TRRAP: variants seen among roughly 807,000 people sequenced by gnomAD.
The protein encoded by TRRAP is transformation/transcription domain-associated protein.
In TRRAP, 41 loss-of-function variants were observed where a neutral mutation model predicts 438.8. The observed-to-expected ratio is 0.09, with a 90% CI of 0.07 to 0.12. The LOEUF (loss-of-function observed/expected upper bound fraction) is 0.12, where lower values mean the gene tolerates loss of function less well. Among genes scored for constraint, TRRAP ranks in the 10% least tolerant of loss-of-function variants. TRRAP has a pLI of 1.00. For synonymous variants in TRRAP, 1,994 were observed against 1,962.9 expected (o/e 1.02, Z -0.42); for missense variants, 3,122 against 5,055.1 (o/e 0.62, Z 11.60).
intron 26 of TRRAP, 47 bp downstream of exon 26, chr7:98,931,712 G>C: frequency 6.3e-7 from 1 of 1,585,886 alleles, no homozygotes. Flanking sequence ...CAAAACTTTT[G>C]AGCCTTTTTT....
chr7:99,010,982 T>C (rs182015777), intron 70 of TRRAP, 70 bp from the exon 71 acceptor site: 2 of 1,472,668 alleles, frequency 1.4e-6, no homozygotes, highest in African/African-American at 2.8e-5. Flanking sequence ...GGAATTGCAA[T>C]TTGAGAATTT....
intron 7 of TRRAP, among the ~76,000 whole-genome samples, chr7:98,896,717 T>TA (rs1796224363): frequency 6.6e-6 from 1 of 152,216 alleles, no homozygotes; most frequent in Non-Finnish European, 1.5e-5. Flanking sequence ...AAAAAGTTTT[T>TA]AAATTGATAT....
At position 98,964,699 on chromosome 7, in the gene TRRAP, T is replaced by C; in HGVS notation, c.6900T>C (p.Phe2300=). The C allele has an allele frequency of 1.2e-6, 2 of 1,614,096 alleles. No homozygotes were observed. The highest frequency in any genetic ancestry group is 1.3e-5 in the African/African-American group (1 of 75,036). The stretch of plus-strand genomic sequence containing the variant: ...ACATAGACAGGCTGATCTCCGTCTT[T>C]ATGCGCTCCCTGCAGAAGATGGTCC... ...PSYIDRLISV[F]MRSLQKMVRE... is the part of the protein sequence containing the mutation. Residue 2300 remains phenylalanine, a synonymous_variant, in exon 48 of 73, where the codon TTT becomes TTC. Coordinates refer to ENST00000456197, the MANE Select transcript of TRRAP (RefSeq NM_001375524.1).
chr7:98,899,161 C>T (rs1295101672), intron 8 of TRRAP, among the ~76,000 whole-genome samples: 1 of 152,138 alleles, frequency 6.6e-6, no homozygotes, highest in Non-Finnish European at 1.5e-5. Flanking sequence ...TGCATTCCAG[C>T]CTGGTGACAA....
intron 30 of TRRAP, among the ~76,000 whole-genome samples, chr7:98,940,215 G>A (rs1790736771): frequency 6.6e-6 from 1 of 151,708 alleles, no homozygotes; most frequent in Admixed American, 6.6e-5. Context: ...ATGAGACAGA[G>A]TCTCACTCTG....
chr7:98,999,367 G>T (rs1231784526), intron 67 of TRRAP: 1 of 1,394,746 alleles, frequency 7.2e-7, no homozygotes, highest in Non-Finnish European at 1.0e-6. Context: ...TCCACATCCT[G>T]CACAGCTCTC....
intron 67 of TRRAP, among the ~76,000 whole-genome samples, chr7:98,996,927 A>C (rs914592407): frequency 6.6e-6 from 1 of 152,190 alleles, no homozygotes; most frequent in African/African-American, 2.4e-5. Context: ...GACAATCCAG[A>C]AACATAGTCT....
chr7:99,000,703 G>A (rs1264621097), intron 67 of TRRAP, among the ~76,000 whole-genome samples: 1 of 152,240 alleles, frequency 6.6e-6, no homozygotes, highest in African/African-American at 2.4e-5. Context: ...GCGCTGTGTG[G>A]GCCTGTGAGC....
chr7:98,961,737 T>G (rs1791902382), intron 46 of TRRAP, among the ~76,000 whole-genome samples: 1 of 152,154 alleles, frequency 6.6e-6, no homozygotes. Flanking sequence ...CTGACCAACG[T>G]GGAGAAACCC....
At chr7:98,945,666 C>T in intron 31 of TRRAP, 81 bp from the exon 32 acceptor site, 1 of 1,527,052 alleles carries the variant, frequency 6.5e-7, no homozygotes, top group East Asian at 2.3e-5. Flanking sequence ...CCCCAATAAC[C>T]CTTACTGTGT....
Position 98,897,771 on chromosome 7 carries a change from C to A in TRRAP, c.538C>A (p.Pro180Thr), listed in dbSNP as rs782570914. ...CTACTTTGAGAACCCTCAAGTGATCCCCGAGAACACAGTGCCTCCCCCAGA... is the reference window on the plus strand; with the variant it reads ...CTACTTTGAGAACCCTCAAGTGATCACCGAGAACACAGTGCCTCCCCCAGA... ...NRYFENPQVIPENTVPPPEMV... is the reference protein window; with the variant it reads ...NRYFENPQVITENTVPPPEMV... The change falls in exon 8 of 73, where the codon CCC (proline) becomes ACC (threonine). Residue 180 changes from proline to threonine, a missense_variant. By Grantham distance (38) the Pro-to-Thr change is conservative (BLOSUM62 -1). Transcript: ENST00000456197. 2 of 1,613,278 alleles carry A rather than the reference C, an allele frequency of 1.2e-6. No individual in the cohort carries two copies.
At chr7:98,906,113 A>G (rs1426546098) in intron 12 of TRRAP, 64 bp from the exon 13 acceptor site, 4 of 1,477,070 alleles carry the variant, frequency 2.7e-6, no homozygotes, top group East Asian at 2.3e-5. Context: ...AAAGCACTGT[A>G]AAGTAATTTA....
At chr7:98,937,923 C>T in intron 30 of TRRAP, 103 bp downstream of exon 30, 1 of 1,318,128 alleles carries the variant, frequency 7.6e-7, no homozygotes, top group East Asian at 2.8e-5. Flanking sequence ...GCCTGTAATC[C>T]CAGCACTTTG....
chr7:98,974,539 G>T (rs931648121), intron 53 of TRRAP, among the ~76,000 whole-genome samples: 2 of 152,158 alleles, frequency 1.3e-5, no homozygotes, highest in African/African-American at 4.8e-5. Context: ...ACCTCTTTGG[G>T]ACAGTGTGTA....
Position 99,012,510 on chromosome 7 carries a change from G to A in TRRAP, c.*155G>A. ...TTCCTGGTAGTTTGCGTGTAAGAAA[G>A]GGAGAATATAGTTTTAGAGGAAGCT... On this transcript the variant is annotated 3_prime_UTR_variant, in exon 73 of 73. Coordinates refer to ENST00000456197, the MANE Select transcript of TRRAP (RefSeq NM_001375524.1). This position sits in a 1 kb window ranked among gnomAD's most constrained non-coding sequence, Gnocchi z 5.9. 1 of 936,898 alleles carries A rather than the reference G, an allele frequency of 1.1e-6. No individual in the cohort carries two copies. The allele number at this position is 936,898 out of a possible 1,614,324, so 58.0% of individuals were successfully genotyped here. A position where few individuals can be genotyped will look rare whatever the true frequency, so the allele number is the denominator to read the frequency against.
At position 98,915,261 on chromosome 7, in the gene TRRAP, C is replaced by G. The variant is rs189695486; in HGVS notation, c.2200-462C>G. Among the ~76,000 whole-genome samples, 4 of 152,050 alleles carry G rather than the reference C, an allele frequency of 2.6e-5. No individual in the cohort carries two copies. In the East Asian group the frequency reaches 7.7e-4, roughly 29 times the overall value. On this transcript the variant is annotated intron_variant, in intron 18 of 72. Coordinates refer to ENST00000456197, the MANE Select transcript of TRRAP (RefSeq NM_001375524.1). ...AGGCTGGAGTGTGATGGTGCCATCT[C>G]GGCTCACTGCAACCTCTGCCTCCTG...
At chr7:98,919,983 G>A (rs1554410195) in intron 20 of TRRAP, among the ~76,000 whole-genome samples, 1 of 152,226 alleles carries the variant, frequency 6.6e-6, no homozygotes, top group African/African-American at 2.4e-5. Context: ...GGTTGGGTGG[G>A]CCTGGTGGAG....
rs527587672 is a variant in TRRAP, at chr7:98,880,580, C to T, written c.-61-510C>T. ...CCTGGCCTGCTGCATGATTTTATAC[C>T]GCCCATGAGCTAAGAATGGTTTTAT... is the stretch of plus-strand genomic sequence containing the variant. On this transcript the variant is annotated intron_variant, in intron 1 of 72. Coordinates refer to ENST00000456197, the MANE Select transcript of TRRAP (RefSeq NM_001375524.1). 4.6e-5 allele frequency among the ~76,000 whole-genome samples: 7 copies of T among 152,070 alleles called. No homozygotes were observed. In the East Asian group the frequency reaches 9.7e-4, roughly 21 times the overall value.
chr7:98,952,026 C>T (rs2116620560), intron 39 of TRRAP, among the ~76,000 whole-genome samples: 1 of 152,190 alleles, frequency 6.6e-6, no homozygotes, highest in Non-Finnish European at 1.5e-5. Flanking sequence ...TGTGGGCCTG[C>T]CAAGAAGCAG....
Sources: gnomAD v4.1 joint callset for allele counts (sites outside exome capture counted in the v4.1 genomes callset) on GRCh38, gnomAD v4.1.1 for gene constraint, Gnocchi (gnomAD v3.1) non-coding constraint, MANE v1.5 for transcripts, NCBI Gene and HGNC (gene_info 2026-07-23, HGNC 2026-07-21) for gene names.